The following DAOA variants were observed in gnomAD, a reference collection of about 807,000 sequenced individuals.
DAOA encodes D-amino acid oxidase activator, also known as D-amino acid oxidase regulator.
DAOA carries 15 observed loss-of-function variants against 16.4 expected under a neutral mutation model. The observed-to-expected ratio is 0.91, with a 90% CI of 0.61 to 1.41. The LOEUF is 1.41. DAOA is among the 40% of genes most tolerant of loss of function. The pLI is 0.00. For missense variants in DAOA, 230 were observed against 176.8 expected, an observed-to-expected ratio of 1.30 and a Z score of -1.71; for synonymous variants, 75 against 59.1, an observed-to-expected ratio of 1.27 and a Z score of -1.23.
chr13:105,468,178 CCACCAGGAT>C (rs1876668277), intron 3 of DAOA, among the ~76,000 whole-genome samples: 1 of 152,128 alleles, frequency 6.6e-6, no homozygotes, highest in Non-Finnish European at 1.5e-5. Flanking sequence ...TACCTTGGAC[CCACCAGGAT>C]AACCGAGGTC....
At chr13:105,466,432 A>C in intron 2 of DAOA, 100 bp downstream of exon 2, 13 of 1,583,400 alleles carry the variant, frequency 8.2e-6, no homozygotes, top group African/African-American at 1.3e-5. Flanking sequence ...TGGAGACAGG[A>C]AGTGGAACAT....
At chr13:105,473,591 C>A (rs924275893) in intron 4 of DAOA, among the ~76,000 whole-genome samples, 5 of 152,070 alleles carry the variant, frequency 3.3e-5, no homozygotes, top group African/African-American at 1.2e-4. Context: ...CTTTAGTTTG[C>A]CACGCAAAAA....
intron 2 of DAOA, among the ~76,000 whole-genome samples, chr13:105,466,755 C>A (rs1876547071): frequency 6.6e-6 from 1 of 152,020 alleles, no homozygotes; most frequent in Non-Finnish European, 1.5e-5. Context: ...GGGAGAGGCG[C>A]TAGTTTGGAG....
intron 2 of DAOA, chr13:105,466,535 A>T (rs1876528367): frequency 8.8e-6 from 7 of 792,832 alleles, no homozygotes; most frequent in Non-Finnish European, 1.3e-5. Context: ...AGGATCACTC[A>T]TGTTAATGAG....
intron 4 of DAOA, among the ~76,000 whole-genome samples, chr13:105,476,775 T>C: frequency 6.6e-6 from 1 of 151,884 alleles, no homozygotes; most frequent in Non-Finnish European, 1.5e-5. Context: ...GTACTCTAAC[T>C]CAAAACGTTT....
intron 4 of DAOA, among the ~76,000 whole-genome samples, chr13:105,473,731 A>G (rs1278067620): frequency 1.3e-5 from 2 of 152,136 alleles, no homozygotes; most frequent in Non-Finnish European, 2.9e-5. Flanking sequence ...TAATCTGTCT[A>G]TAAAGTAGTA....
chr13:105,474,955 C>A (rs546123328), intron 4 of DAOA: 4 of 915,284 alleles, frequency 4.4e-6, no homozygotes, highest in Non-Finnish European at 5.2e-6. Context: ...TCTGAACGAA[C>A]ATTCACCTCA....
chr13:105,483,729 G>A (rs572940420), intron 4 of DAOA, among the ~76,000 whole-genome samples: 1 of 151,134 alleles, frequency 6.6e-6, no homozygotes, highest in African/African-American at 2.4e-5. Context: ...TATACTTTCT[G>A]GATACAAATC....
chr13:105,477,533 A>G (rs1431550155), intron 4 of DAOA, among the ~76,000 whole-genome samples: 1 of 152,182 alleles, frequency 6.6e-6, no homozygotes, highest in Non-Finnish European at 1.5e-5. Flanking sequence ...TTCAAGACCA[A>G]CCAGGGAAAC....
chr13:105,483,146 T>C (rs931784650), intron 4 of DAOA, among the ~76,000 whole-genome samples: 3 of 152,178 alleles, frequency 2.0e-5, no homozygotes, highest in African/African-American at 7.2e-5. Context: ...GGCACAGTGT[T>C]TGCTCTATTT....
At chr13:105,475,808 C>G (rs1199047339) in intron 4 of DAOA, among the ~76,000 whole-genome samples, 1 of 152,116 alleles carries the variant, frequency 6.6e-6, no homozygotes. Context: ...GAAATACTCT[C>G]AATTATATTT....
intron 1 of DAOA, 47 bp downstream of exon 1, chr13:105,466,107 C>T (rs1250111139): frequency 3.6e-6 from 3 of 833,156 alleles, no homozygotes; most frequent in African/African-American, 3.4e-5. Context: ...AGTTTATCAG[C>T]TCCTGCATGG....
At chr13:105,467,713 C>A (rs1237902058) in intron 3 of DAOA, 15 of 149,328 alleles carry the variant, frequency 1.0e-4, no homozygotes, top group Admixed American at 8.9e-4. Context: ...AATGTTTAAT[C>A]CCCTAGAAGG....
Position 105,475,095 on chromosome 13 carries a change from C to T in DAOA, c.281+2410C>T, listed in dbSNP as rs74735320. ...GGTAAAGATGTTAAGCTGCATACCC[C>T]TAGTGAGATAAGAAAGCAGAAGTGA... On this transcript the variant is annotated intron_variant, in intron 4 of 5. Transcript: ENST00000375936. The T allele has an allele frequency of 4.5e-5, 43 of 950,700 alleles. No individual in the cohort carries two copies. In the East Asian group the frequency reaches 1.7e-3, roughly 38 times the overall value. The allele number at this position is 950,700 out of a possible 1,614,324, so 58.9% of individuals were successfully genotyped here.
At chr13:105,472,291 A>T (rs1474968192) in intron 3 of DAOA, among the ~76,000 whole-genome samples, 5 of 152,204 alleles carry the variant, frequency 3.3e-5, no homozygotes, top group African/African-American at 1.2e-4. Context: ...AAATGACTCA[A>T]AGTATAGTCC....
intron 4 of DAOA, among the ~76,000 whole-genome samples, chr13:105,488,244 T>G (rs1164710736): frequency 1.3e-5 from 2 of 152,224 alleles, no homozygotes; most frequent in East Asian, 3.8e-4. Context: ...TTGTCAGCAT[T>G]GATTAACATG....
At chr13:105,483,347 C>T (rs1006334545) in intron 4 of DAOA, among the ~76,000 whole-genome samples, 1 of 152,120 alleles carries the variant, frequency 6.6e-6, no homozygotes, top group African/African-American at 2.4e-5. Flanking sequence ...TATGCTTTTA[C>T]TTCCATGGGT....
chr13:105,468,936 A>C (rs1291456284), intron 3 of DAOA, among the ~76,000 whole-genome samples: 1 of 152,242 alleles, frequency 6.6e-6, no homozygotes, highest in South Asian at 2.1e-4. Flanking sequence ...TGTTAGCTGT[A>C]AATAGACATG....
chr13:105,467,179 T>C (rs753994212), intron 3 of DAOA, 38 bp downstream of exon 3: 5 of 1,543,090 alleles, frequency 3.2e-6, no homozygotes, highest in South Asian at 1.2e-5. Context: ...TTTAAATTCT[T>C]CTAGAAGTTA....
Sources: allele counts gnomAD v4.1 joint callset (sites outside exome capture counted in the v4.1 genomes callset), GRCh38; gene constraint gnomAD v4.1.1; transcripts MANE v1.5; gene names NCBI Gene and HGNC (gene_info 2026-07-23, HGNC 2026-07-21).